ECHDC1: variants seen among roughly 807,000 people sequenced by gnomAD.
The protein encoded by ECHDC1 is ethylmalonyl-CoA decarboxylase.
Under a neutral mutation model 29.7 loss-of-function variants are expected in ECHDC1, and 29 were observed. The ratio of observed to expected loss-of-function variants is 0.98; its 90% confidence interval spans 0.73 to 1.33. The LOEUF (loss-of-function observed/expected upper bound fraction) is 1.33, where lower values mean the gene tolerates loss of function less well. Ranked by LOEUF, ECHDC1 falls within the 40% of genes most tolerant of loss-of-function variation. The pLI is 0.00. For synonymous variants in ECHDC1, 126 were observed against 123.1 expected (o/e 1.02, Z -0.15); for missense variants, 328 against 350.0 (o/e 0.94, Z 0.50).
At chr6:127,339,454 T>A (rs916856376) in intron 1 of ECHDC1, among the ~76,000 whole-genome samples, 14 of 151,716 alleles carry the variant, frequency 9.2e-5, no homozygotes, top group African/African-American at 3.4e-4. Flanking sequence ...AAAGATAATA[T>A]CTATATTTAC....
In ECHDC1 at chr6:127,290,175, T is replaced by C. The variant is rs771482467; in HGVS notation, c.600A>G (p.Arg200=). The part of the protein sequence containing the change: ...TTRLVEIIGS[R]QALKVLSGAL... ...CCCCACTCAACACTTTGAGAGCTTG[T>C]CTACTTCCGATTATTTCAACTAGCC... is the stretch of plus-strand genomic sequence containing the variant. The change falls in exon 6 of 6, where the codon AGA becomes AGG. Residue 200 remains arginine (R), a synonymous_variant. Coordinates refer to ENST00000454859, the MANE Select transcript of ECHDC1 (RefSeq NM_001002030.2). 15 of 1,613,750 alleles carry C rather than the reference T, an allele frequency of 9.3e-6. No homozygotes were observed. The South Asian group carries it at 1.5e-4, about 17-fold the overall frequency.
At chr6:127,324,223 T>C (rs191895554) in intron 3 of ECHDC1, among the ~76,000 whole-genome samples, 222 of 152,300 alleles carry the variant, frequency 1.5e-3, no homozygotes, top group African/African-American at 5.1e-3. Context: ...AGTGATGATA[T>C]TGAATTTGAT....
At chr6:127,330,086 T>C (rs549642665) in intron 2 of ECHDC1, among the ~76,000 whole-genome samples, 1 of 152,330 alleles carries the variant, frequency 6.6e-6, no homozygotes, top group South Asian at 2.1e-4. Flanking sequence ...AAGGAGAGAT[T>C]ACTAAAATCA....
At chr6:127,343,135 CTCGGCACCGCG>C (rs1161241620) in intron 1 of ECHDC1, 190 bp downstream of exon 1, 1 of 152,170 alleles carries the variant, frequency 6.6e-6, no homozygotes, top group East Asian at 1.9e-4. Context: ...GCCCGTGGCG[CTCGGCACCGCG>C]TCTCCACGTC....
intron 1 of ECHDC1, among the ~76,000 whole-genome samples, chr6:127,335,148 A>C: frequency 6.6e-6 from 1 of 152,150 alleles, no homozygotes; most frequent in East Asian, 1.9e-4. Flanking sequence ...TATAAAGGTT[A>C]CAATACAATA....
intron 2 of ECHDC1, among the ~76,000 whole-genome samples, chr6:127,329,642 C>T (rs1322683229): frequency 1.3e-5 from 2 of 152,018 alleles, no homozygotes; most frequent in African/African-American, 2.4e-5. Context: ...TACCAGATTT[C>T]AGAGACTTAG....
chr6:127,321,606 A>G (rs1008391697), intron 3 of ECHDC1, among the ~76,000 whole-genome samples: 1 of 152,220 alleles, frequency 6.6e-6, no homozygotes, highest in African/African-American at 2.4e-5. Context: ...ATCCATATTC[A>G]AAGTGCTTAC....
intron 5 of ECHDC1, among the ~76,000 whole-genome samples, chr6:127,310,996 T>C (rs1781851720): frequency 6.6e-6 from 1 of 152,188 alleles, no homozygotes; most frequent in Non-Finnish European, 1.5e-5. Context: ...GATAGATGCA[T>C]TGTTTTTTCA....
chr6:127,318,502 T>A (rs1303308946), intron 3 of ECHDC1, among the ~76,000 whole-genome samples: 1 of 152,210 alleles, frequency 6.6e-6, no homozygotes, highest in African/African-American at 2.4e-5. Flanking sequence ...AAGTTCTCAA[T>A]AATTTTGCCA....
chr6:127,326,709 A>G (rs1282129952), intron 3 of ECHDC1: 2 of 371,754 alleles, frequency 5.4e-6, no homozygotes, highest in South Asian at 3.2e-5. Flanking sequence ...AGAGAATCCC[A>G]CCCTCCAAAA....
At chr6:127,296,074 A>T (rs1486318987) in intron 5 of ECHDC1, among the ~76,000 whole-genome samples, 3 of 152,252 alleles carry the variant, frequency 2.0e-5, no homozygotes, top group African/African-American at 7.2e-5. Flanking sequence ...TTCAAGTACT[A>T]GAAGAAACAC....
At chr6:127,330,665 AGTT>A (rs747478112) in intron 2 of ECHDC1, 141 bp downstream of exon 2, 9 of 636,118 alleles carry the variant, frequency 1.4e-5, no homozygotes, top group East Asian at 5.5e-5. Flanking sequence ...CATATTACAG[AGTT>A]GTTGTTTTTG....
At chr6:127,337,958 G>A (rs901267956) in intron 1 of ECHDC1, among the ~76,000 whole-genome samples, 17 of 152,106 alleles carry the variant, frequency 1.1e-4, no homozygotes, top group African/African-American at 4.1e-4. Flanking sequence ...ATAGTAACTG[G>A]ATTAGCAATT....
chr6:127,338,358 C>T (rs909300976), intron 1 of ECHDC1, among the ~76,000 whole-genome samples: 3 of 152,068 alleles, frequency 2.0e-5, no homozygotes, highest in African/African-American at 7.2e-5. Context: ...CAAAGTATCT[C>T]CTTTTATTGA....
At position 127,327,134 on chromosome 6, in the gene ECHDC1, C is replaced by T. The variant is rs1484331375; in HGVS notation, c.231G>A (p.Met77Ile). The change falls in exon 3 of 6, where the codon ATG becomes ATA. Residue 77 changes from methionine (M) to isoleucine (I), a missense_variant. By Grantham distance (10) the Met-to-Ile change is conservative (BLOSUM62 1). Coordinates refer to ENST00000454859, the MANE Select transcript of ECHDC1 (RefSeq NM_001002030.2). ...SRMNAFSGVMMLQLLEKVIEL... is the reference protein window; with the variant it reads ...SRMNAFSGVMILQLLEKVIEL... ...CAATTACTTTTTCCAGAAGTTGTAG[C>T]ATCATAACACCTGCCAGAGATGGAA... 6 of 1,612,644 alleles carry T rather than the reference C, an allele frequency of 3.7e-6. No homozygotes were observed. The highest frequency in any genetic ancestry group is 1.7e-5 in the Admixed American group (1 of 59,830).
chr6:127,306,015 A>T (rs1262056173), intron 5 of ECHDC1, among the ~76,000 whole-genome samples: 1 of 141,582 alleles, frequency 7.1e-6, no homozygotes, highest in East Asian at 2.1e-4. Flanking sequence ...TTGATAGATT[A>T]AAAAAAAAAA....
intron 3 of ECHDC1, among the ~76,000 whole-genome samples, chr6:127,326,261 G>A (rs189706201): frequency 2.0e-5 from 3 of 152,208 alleles, no homozygotes; most frequent in Non-Finnish European, 4.4e-5. Flanking sequence ...AAAGTGTGTG[G>A]TACTTCTCCC....
At chr6:127,316,617 T>C (rs1782404345) in intron 3 of ECHDC1, 115 bp from the exon 4 acceptor site, 1 of 780,390 alleles carries the variant, frequency 1.3e-6, no homozygotes, top group Non-Finnish European at 2.0e-6. Flanking sequence ...TTTTAAACAA[T>C]GACATTTCCA....
chr6:127,312,304 T>C (rs1782007680), intron 5 of ECHDC1, among the ~76,000 whole-genome samples: 1 of 152,134 alleles, frequency 6.6e-6, no homozygotes, highest in East Asian at 1.9e-4. Flanking sequence ...AAAGAAGATA[T>C]GGCCAATAAA....
Sources: allele counts gnomAD v4.1 joint callset (sites outside exome capture counted in the v4.1 genomes callset), GRCh38; gene constraint gnomAD v4.1.1; transcripts MANE v1.5; gene names NCBI Gene and HGNC (gene_info 2026-07-23, HGNC 2026-07-21).